The following DDN variants were observed in gnomAD, a reference collection of about 807,000 sequenced individuals.
DDN encodes dendrin.
DDN carries 4 observed loss-of-function variants against 7.3 expected under a neutral mutation model. The observed-to-expected ratio is 0.55, with a 90% CI of 0.27 to 1.25. The LOEUF (loss-of-function observed/expected upper bound fraction) is 1.25. Among genes scored for constraint, DDN ranks in the 50% most tolerant of loss-of-function variants. The pLI is 0.12. For missense variants in DDN, 933 were observed against 974.7 expected (o/e 0.96, Z 0.57); for synonymous variants, 425 against 424.3 (o/e 1.00, Z -0.02).
At position 48,998,265 on chromosome 12, in the gene DDN, T is replaced by G. The variant is rs1224071410; in HGVS notation, c.611A>C (p.Glu204Ala). The G allele has an allele frequency of 6.2e-7, 1 of 1,608,488 alleles. No individual in the cohort carries two copies. Among genetic ancestry groups the G allele is most frequent in the Non-Finnish European group, 8.5e-7 (1 of 1,177,884 alleles). ...GGRRPGPPSY[E>A]AHLLLRGSAG... ...AGAACCTCTCAGCAGCAGGTGAGCC[T>G]CGTAGCTTGGGGGCCCGGGCCGCCG... The change falls in exon 2 of 2, where the codon GAG becomes GCG. Residue 204 changes from glutamate to alanine, a missense_variant. By Grantham distance (107) the Glu-to-Ala change is moderately radical (BLOSUM62 -1). Coordinates refer to ENST00000421952, the MANE Select transcript of DDN (RefSeq NM_015086.2).
In DDN at chr12:48,996,610, T is replaced by C. The variant is rs1941206761; in HGVS notation, c.*130A>G. 2 of 1,390,890 alleles carry C rather than the reference T, an allele frequency of 1.4e-6. No individual in the cohort carries two copies. The highest frequency in any genetic ancestry group is 5.7e-5 in the Admixed American group (2 of 35,382). The allele number at this position is 1,390,890 out of a possible 1,614,324, so 86.2% of individuals were successfully genotyped here. ...TATGCTTCCCTTCCTTTCATTTATA[T>C]TTCAAGGATGAGAACAGGTATGGGT... On this transcript the variant is annotated 3_prime_UTR_variant, in exon 2 of 2. Transcript: ENST00000421952.
chr12:48,997,086 C>A lies in DDN; in HGVS notation c.1790G>T (p.Gly597Val). The A allele has an allele frequency of 6.6e-7, 1 of 1,523,286 alleles. No individual in the cohort carries two copies. The highest frequency in any genetic ancestry group is 8.7e-7 in the Non-Finnish European group (1 of 1,143,836). 94.4% of individuals were successfully genotyped at this position (1,523,286 alleles called of 1,614,324 possible). A position where few individuals can be genotyped will look rare whatever the true frequency, so the allele number is the denominator to read the frequency against. Residue 597 changes from glycine to valine, a missense_variant, in exon 2 of 2, where the codon GGC becomes GTC. Gly to Val is a moderately radical substitution (Grantham distance 109). Coordinates refer to ENST00000421952, the MANE Select transcript of DDN (RefSeq NM_015086.2). ...SEVAVVQRRA[G>V]RGWARTPGPY... Reference sequence around the variant, plus strand: ...CCCTGGGGTCCGCGCCCAGCCCCGGCCGGCGCGCCGCTGGACCACCGCCAC... The same window carrying A: ...CCCTGGGGTCCGCGCCCAGCCCCGGACGGCGCGCCGCTGGACCACCGCCAC...
chr12:48,999,291 G>GCCCCCCCCCCCCCCCCCCCCCCCCC lies in DDN; in HGVS notation c.-5_-4insGGGGGGGGGGGGGGGGGGGGGGGGG. Reference sequence around the variant, plus strand: ...AGAACAGTGGGCCATCCAGCATCCTGCCCCACCCCACCCCGGCCCCCCACC... The same window carrying GCCCCCCCCCCCCCCCCCCCCCCCCC: ...AGAACAGTGGGCCATCCAGCATCCTGCCCCCCCCCCCCCCCCCCCCCCCCCCCCCACCCCACCCCGGCCCCCCACC... On this transcript the variant is annotated 5_prime_UTR_variant, in exon 1 of 2. Coordinates refer to ENST00000421952, the MANE Select transcript of DDN (RefSeq NM_015086.2). 6.6e-7 allele frequency: 1 copy of GCCCCCCCCCCCCCCCCCCCCCCCCC among 1,510,112 alleles called. No individual in the cohort carries two copies. The allele number at this position is 1,510,112 out of a possible 1,614,324, so 93.5% of individuals were successfully genotyped here.
chr12:48,999,291 G>GGGC lies in DDN; in HGVS notation c.-5_-4insGCC. 2.3e-5 allele frequency: 34 copies of GGGC among 1,509,050 alleles called. No individual in the cohort carries two copies. Among genetic ancestry groups the GGGC allele is most frequent in the Non-Finnish European group, 2.9e-5 (33 of 1,124,660 alleles). The allele number at this position is 1,509,050 out of a possible 1,614,324, so 93.5% of individuals were successfully genotyped here. A position where few individuals can be genotyped will look rare whatever the true frequency, so the allele number is the denominator to read the frequency against. On this transcript the variant is annotated 5_prime_UTR_variant, in exon 1 of 2. Transcript: ENST00000421952. ...AGAACAGTGGGCCATCCAGCATCCT[G>GGGC]CCCCACCCCACCCCGGCCCCCCACC...
rs1034844044 is a variant in DDN at position 48,997,242 on chromosome 12, G to A, written c.1634C>T (p.Thr545Ile). 4 of 1,598,090 alleles carry A rather than the reference G, an allele frequency of 2.5e-6. No homozygotes were observed. Among genetic ancestry groups the A allele is most frequent in the Non-Finnish European group, 3.4e-6 (4 of 1,172,092 alleles). Residue 545 changes from threonine to isoleucine, a missense_variant, in exon 2 of 2, where the codon ACT (threonine) becomes ATT (isoleucine). Coordinates refer to ENST00000421952, the MANE Select transcript of DDN (RefSeq NM_015086.2). ...GGCCGGGAGCCCCAAGATGCGGAAA[G>A]TGCGCTCCTCCAGTGTGGAGTCCCC... ...RPGDSTLEER[T>I]FRILGLPAPE...
rs1324546765 is a variant in DDN, at chr12:48,997,502, C to T, written c.1374G>A (p.Thr458=). 3 of 1,609,196 alleles carry T rather than the reference C, an allele frequency of 1.9e-6. No individual in the cohort carries two copies. Among genetic ancestry groups the T allele is most frequent in the East Asian group, 2.2e-5 (1 of 44,708 alleles). The part of the protein sequence containing the change: ...RGEGVFVIDA[T]CVVIRSQYVP... The stretch of plus-strand genomic sequence containing the variant: ...CATATTGGGATCGTATCACTACGCA[C>T]GTGGCGTCAATGACAAAGACGCCTT... The change falls in exon 2 of 2, where the codon ACG becomes ACA. Residue 458 remains threonine, a synonymous_variant. Coordinates refer to ENST00000421952, the MANE Select transcript of DDN (RefSeq NM_015086.2).
In DDN at chr12:48,997,306, C is replaced by T; in HGVS notation, c.1570G>A (p.Gly524Ser). 6.2e-7 allele frequency: 1 copy of T among 1,609,504 alleles called. No individual in the cohort carries two copies. The highest frequency in any genetic ancestry group is 8.5e-7 in the Non-Finnish European group (1 of 1,178,410). Residue 524 changes from glycine to serine, a missense_variant, in exon 2 of 2, where the codon GGC becomes AGC. By Grantham distance (56) the Gly-to-Ser change is moderately conservative. Coordinates refer to ENST00000421952, the MANE Select transcript of DDN (RefSeq NM_015086.2). ...LSSSRLLHQP[G>S]GGRGGEAEGG... Reference sequence around the variant, plus strand: ...TCAGCTTCGCCCCCGCGGCCCCCGCCGGGCTGGTGTAAAAGGCGACTGCTC... The same window carrying T: ...TCAGCTTCGCCCCCGCGGCCCCCGCTGGGCTGGTGTAAAAGGCGACTGCTC...
At position 48,998,297 on chromosome 12, in the gene DDN, C is replaced by A; in HGVS notation, c.579G>T (p.Trp193Cys). The A allele has an allele frequency of 6.3e-7, 1 of 1,594,776 alleles. No individual in the cohort carries two copies. The highest frequency in any genetic ancestry group is 2.3e-5 in the East Asian group (1 of 44,426). ...TTGGGGGCCCGGGCCGCCGACCTCC[C>A]CAGGGCCCCGCCCACGCCGACCCTG... ...SDPGSAWAGP[W>C]GGRRPGPPSY... Residue 193 changes from tryptophan (W) to cysteine (C), a missense_variant, in exon 2 of 2, where the codon TGG (tryptophan) becomes TGT (cysteine). Physicochemically the swap from Trp to Cys is radical, Grantham distance 215. Coordinates refer to ENST00000421952, the MANE Select transcript of DDN (RefSeq NM_015086.2).
At position 48,995,195 on chromosome 12, in the gene DDN, T is replaced by C. The variant is rs1316214994; in HGVS notation, c.*1545A>G. 1 of 152,332 alleles carries C rather than the reference T, an allele frequency of 6.6e-6. No individual in the cohort carries two copies. Among genetic ancestry groups the C allele is most frequent in the Non-Finnish European group, 1.5e-5 (1 of 68,134 alleles). The allele number at this position is 152,332 out of a possible 1,614,324, so 9.4% of individuals were successfully genotyped here. A position where few individuals can be genotyped will look rare whatever the true frequency, so the allele number is the denominator to read the frequency against. The stretch of plus-strand genomic sequence containing the variant: ...TGAGCGCCTACTGTGTGCCAGGCAG[T>C]GTGCAAGGCGCTTTACATACATTAT... On this transcript the variant is annotated 3_prime_UTR_variant, in exon 2 of 2. Transcript: ENST00000421952.
chr12:48,997,788 C>G lies in DDN; in HGVS notation c.1088G>C (p.Arg363Thr), dbSNP rs755491246. Residue 363 changes from arginine to threonine, a missense_variant, in exon 2 of 2, where the codon AGA (arginine) becomes ACA (threonine). Arg to Thr is a moderately conservative substitution (Grantham distance 71). Coordinates refer to ENST00000421952, the MANE Select transcript of DDN (RefSeq NM_015086.2). The stretch of plus-strand genomic sequence containing the variant: ...CGAGCCCTTGAGGTGGTGCCTGGAT[C>G]TGGGAGCGGGATGCGGGGCACAGGG... ...AAPCAPHPAP[R>T]SRHHLKGSRE... 6.2e-7 allele frequency: 1 copy of G among 1,612,418 alleles called. No individual in the cohort carries two copies. The highest frequency in any genetic ancestry group is 8.5e-7 in the Non-Finnish European group (1 of 1,178,926).
At chr12:48,998,949 C>CG (rs796606759) in intron 1 of DDN, 130 bp downstream of exon 1, 2 of 1,131,010 alleles carry the variant, frequency 1.8e-6, no homozygotes, top group African/African-American at 1.5e-5. Flanking sequence ...CCCCAGCCCT[C>CG]GGGAGCGGGC....
At chr12:48,998,752 T>C (rs185652392) in intron 1 of DDN, 86 bp from the exon 2 acceptor site, 2 of 1,407,372 alleles carry the variant, frequency 1.4e-6, no homozygotes, top group Admixed American at 5.9e-5. Context: ...GGAGACCACT[T>C]GGGGCAGCCA....
At position 48,997,604 on chromosome 12, in the gene DDN, C is replaced by T. The variant is rs1159517351; in HGVS notation, c.1272G>A (p.Pro424=). ...ESLGLGEGAG[P]ETLEGWKATR... is the part of the protein sequence containing the mutation. ...TCGCCTTCCAACCCTCCAGGGTCTC[C>T]GGTCCTGCCCCCTCTCCAAGACCCA... is the stretch of plus-strand genomic sequence containing the variant. Residue 424 remains proline, a synonymous_variant, in exon 2 of 2, where the codon CCG becomes CCA. Transcript: ENST00000421952. 2 of 1,559,362 alleles carry T rather than the reference C, an allele frequency of 1.3e-6. No individual in the cohort carries two copies. Among genetic ancestry groups the T allele is most frequent in the South Asian group, 2.4e-5 (2 of 82,968 alleles).
rs780394436 is a variant in DDN, at chr12:48,998,355, G to A, written c.521C>T (p.Ala174Val). 1.3e-6 allele frequency: 2 copies of A among 1,512,310 alleles called. No individual in the cohort carries two copies. The highest frequency in any genetic ancestry group is 1.2e-5 in the South Asian group (1 of 81,356). 93.7% of individuals were successfully genotyped at this position (1,512,310 alleles called of 1,614,324 possible). ...CTGCGGCTGCGCGGATGGACGGGGC[G>A]CTCGCCCCACAGGCGCCAGGCGCTC... ...RPERLAPVGR[A>V]PRPSAQPQSD... is the part of the protein sequence containing the mutation. The change falls in exon 2 of 2, where the codon GCG (alanine) becomes GTG (valine). Residue 174 changes from alanine to valine, a missense_variant. Transcript: ENST00000421952.
At position 48,997,046 on chromosome 12, in the gene DDN, G is replaced by C. The variant is rs1424507196; in HGVS notation, c.1830C>G (p.Ala610=). 10 of 1,553,744 alleles carry C rather than the reference G, an allele frequency of 6.4e-6. No individual in the cohort carries two copies. Among genetic ancestry groups the C allele is most frequent in the Non-Finnish European group, 8.7e-6 (10 of 1,153,576 alleles). ...WARTPGPYAG[A]LREAVSRIRR... is the part of the protein sequence containing the mutation. ...GGATACGGGACACGGCTTCTCGCAGGGCCCCGGCGTAGGGCCCTGGGGTCC... is the reference window on the plus strand; with the variant it reads ...GGATACGGGACACGGCTTCTCGCAGCGCCCCGGCGTAGGGCCCTGGGGTCC... Residue 610 remains alanine (A), a synonymous_variant, in exon 2 of 2, where the codon GCC becomes GCG. Transcript: ENST00000421952.
At chr12:48,998,985 AG>A in intron 1 of DDN, 93 bp downstream of exon 1, 2 of 1,380,968 alleles carry the variant, frequency 1.4e-6, no homozygotes, top group Non-Finnish European at 2.0e-6. Context: ...GGGAAAGAGA[AG>A]GGGGACCAGC....
At position 48,995,166 on chromosome 12, in the gene DDN, T is replaced by G. The variant is rs540189839; in HGVS notation, c.*1574A>C. ...AGGCTGGATAAAGGGAAGCTTAGAT[T>G]TATTGAGCGCCTACTGTGTGCCAGG... is the stretch of plus-strand genomic sequence containing the variant. On this transcript the variant is annotated 3_prime_UTR_variant, in exon 2 of 2. Transcript: ENST00000421952. The G allele has an allele frequency of 6.6e-6, 1 of 152,442 alleles. No individual in the cohort carries two copies. The highest frequency in any genetic ancestry group is 2.4e-5 in the African/African-American group (1 of 41,550). 9.4% of individuals were successfully genotyped at this position (152,442 alleles called of 1,614,324 possible).
At position 48,999,275 on chromosome 12, in the gene DDN, G is replaced by C; in HGVS notation, c.13C>G (p.Pro5Ala). MLDGPLFSEGPDSPR... is the reference protein window; with the variant it reads MLDGALFSEGPDSPR... ...CTGTCAGGCCCCTCGGAGAACAGTGGGCCATCCAGCATCCTGCCCCACCCC... is the reference window on the plus strand; with the variant it reads ...CTGTCAGGCCCCTCGGAGAACAGTGCGCCATCCAGCATCCTGCCCCACCCC... Residue 5 changes from proline (P) to alanine (A), a missense_variant, in exon 1 of 2, where the codon CCA (proline) becomes GCA (alanine). By Grantham distance (27) the Pro-to-Ala change is conservative (BLOSUM62 -1). Transcript: ENST00000421952. The C allele has an allele frequency of 6.5e-7, 1 of 1,550,320 alleles. No homozygotes were observed. The highest frequency in any genetic ancestry group is 8.7e-7 in the Non-Finnish European group (1 of 1,147,004).
chr12:48,998,259 T>C lies in DDN; in HGVS notation c.617A>G (p.His206Arg), dbSNP rs1941244152. 1 of 1,610,338 alleles carries C rather than the reference T, an allele frequency of 6.2e-7. No homozygotes were observed. Among genetic ancestry groups the C allele is most frequent in the African/African-American group, 1.3e-5 (1 of 74,980 alleles). ...CCCGGCAGAACCTCTCAGCAGCAGG[T>C]GAGCCTCGTAGCTTGGGGGCCCGGG... ...RRPGPPSYEA[H>R]LLLRGSAGTA... Residue 206 changes from histidine to arginine, a missense_variant, in exon 2 of 2, where the codon CAC becomes CGC. By Grantham distance (29) the His-to-Arg change is conservative. Transcript: ENST00000421952.
Sources: allele counts gnomAD v4.1 joint callset, GRCh38; gene constraint gnomAD v4.1.1; transcripts MANE v1.5; gene names NCBI Gene and HGNC (gene_info 2026-07-23, HGNC 2026-07-21).